The following PGM5 variants were observed in gnomAD, a reference collection of about 807,000 sequenced individuals.
PGM5 encodes phosphoglucomutase-like protein 5.
PGM5 carries 23 observed loss-of-function variants against 59.2 expected under a neutral mutation model. That is an observed-to-expected ratio of 0.39 (90% CI 0.28 to 0.55). PGM5 has a LOEUF of 0.55. Ranked by LOEUF, PGM5 falls within the 20% of genes least tolerant of loss-of-function variation. The pLI, the probability that PGM5 is intolerant of heterozygous loss-of-function variation, is 0.66. For synonymous variants in PGM5, 214 were observed against 286.0 expected, an observed-to-expected ratio of 0.75 and a Z score of 2.54; for missense variants, 574 against 748.3, an observed-to-expected ratio of 0.77 and a Z score of 2.72.
intron 6 of PGM5, among the ~76,000 whole-genome samples, chr9:68,439,639 C>T (rs1040296588): frequency 1.4e-5 from 2 of 147,896 alleles, no homozygotes; most frequent in Non-Finnish European, 1.5e-5. Flanking sequence ...AAATATTAGA[C>T]ATGAACATAT....
chr9:68,390,534 A>T (rs1264325314), intron 4 of PGM5, among the ~76,000 whole-genome samples: 2 of 152,112 alleles, frequency 1.3e-5, no homozygotes, highest in Admixed American at 1.3e-4. Context: ...GAGGAAGAGG[A>T]AATGTGTGCT....
At chr9:68,525,945 A>G (rs1044184925) in intron 10 of PGM5, among the ~76,000 whole-genome samples, 3 of 151,982 alleles carry the variant, frequency 2.0e-5, no homozygotes, top group African/African-American at 7.3e-5. Flanking sequence ...AGTCCCAGCT[A>G]CTCAGGAGGC....
At chr9:68,496,836 T>C (rs1168549886) in intron 9 of PGM5, 1 of 152,218 alleles carries the variant, frequency 6.6e-6, no homozygotes, top group Non-Finnish European at 1.5e-5. Flanking sequence ...TTCAAAGGGT[T>C]GAGTCTGGGG....
chr9:68,362,865 C>CTTTTTTTTT (rs1163826772), intron 1 of PGM5, among the ~76,000 whole-genome samples: 9 of 96,776 alleles, frequency 9.3e-5, no homozygotes, highest in Non-Finnish European at 1.2e-4. Flanking sequence ...TTTTCTTTTT[C>CTTTTTTTTT]TTTTTTTTTT....
At chr9:68,524,647 G>A (rs1039427384) in intron 10 of PGM5, among the ~76,000 whole-genome samples, 2 of 152,156 alleles carry the variant, frequency 1.3e-5, no homozygotes, top group Admixed American at 6.5e-5. Context: ...TTTTGGTCAG[G>A]GAGGAAGACT....
At chr9:68,409,546 T>TA (rs1484776398) in intron 6 of PGM5, among the ~76,000 whole-genome samples, 1 of 144,708 alleles carries the variant, frequency 6.9e-6, no homozygotes, top group Admixed American at 6.9e-5. Context: ...TATGCAGCCA[T>TA]AAAAAATGAT....
chr9:68,373,529 C>G lies in PGM5; in HGVS notation c.262-4670C>G, dbSNP rs1317964449. 3.9e-5 allele frequency among the ~76,000 whole-genome samples: 6 copies of G among 152,252 alleles called. No homozygotes were observed. In the South Asian group the frequency reaches 1.0e-3, roughly 26 times the overall value. On this transcript the variant is annotated intron_variant, in intron 1 of 10. Transcript: ENST00000396396. ...ATCTATAATTGTTCCTACTTAATAA[C>G]TTTACATGTTTATTTCTGCATTTTT...
At chr9:68,526,276 G>A (rs1824972619) in intron 10 of PGM5, among the ~76,000 whole-genome samples, 1 of 152,190 alleles carries the variant, frequency 6.6e-6, no homozygotes, top group East Asian at 1.9e-4. Flanking sequence ...TTTCCCGGAA[G>A]GCAGATGACT....
intron 6 of PGM5, among the ~76,000 whole-genome samples, chr9:68,416,678 C>G (rs1487736174): frequency 2.0e-5 from 3 of 152,200 alleles, no homozygotes; most frequent in Non-Finnish European, 2.9e-5. Context: ...ATTTGTGCCT[C>G]ACTTATAAAA....
At chr9:68,457,099 T>G (rs1271007067) in intron 6 of PGM5, among the ~76,000 whole-genome samples, 2 of 152,238 alleles carry the variant, frequency 1.3e-5, no homozygotes, top group Non-Finnish European at 2.9e-5. Context: ...CTTCTTCATT[T>G]AGATTAGCCA....
intron 6 of PGM5, chr9:68,464,635 G>A (rs1262974769): frequency 6.5e-6 from 1 of 153,250 alleles, no homozygotes; most frequent in Non-Finnish European, 1.5e-5. Context: ...TCTAAAGTGT[G>A]TGTGTGTGTG....
intron 6 of PGM5, among the ~76,000 whole-genome samples, chr9:68,438,286 C>CAAA (rs34047393): frequency 1.7e-4 from 6 of 34,822 alleles, no homozygotes; most frequent in Non-Finnish European, 2.4e-4. Context: ...GAGACTCTGT[C>CAAA]AAAAAAAAAA....
At chr9:68,423,359 C>G (rs1337554955) in intron 6 of PGM5, among the ~76,000 whole-genome samples, 1 of 152,158 alleles carries the variant, frequency 6.6e-6, no homozygotes, top group African/African-American at 2.4e-5. Context: ...GAAGTGTTCC[C>G]TGTTCACCGC....
Position 68,374,902 on chromosome 9 carries a change from A to G in PGM5, c.262-3297A>G, listed in dbSNP as rs181468606. Among the ~76,000 whole-genome samples the G allele has an allele frequency of 4.5e-3, 682 of 152,332 alleles. 2 individuals carry two copies. Among genetic ancestry groups the G allele is most frequent in the Non-Finnish European group, 6.0e-3 (405 of 68,038 alleles). ...TAGATGGTAATATGTGTGAGCACAT[A>G]TATTTATTATTTCTCATCATTTCTA... On this transcript the variant is annotated intron_variant, in intron 1 of 10. Coordinates refer to ENST00000396396, the MANE Select transcript of PGM5 (RefSeq NM_021965.4).
At chr9:68,527,953 A>T (rs1825015222) in intron 10 of PGM5, among the ~76,000 whole-genome samples, 2 of 152,144 alleles carry the variant, frequency 1.3e-5, no homozygotes. Flanking sequence ...ATCTCTCAGG[A>T]TTCTTCTGTA....
chr9:68,417,434 G>A (rs1477455064), intron 6 of PGM5, among the ~76,000 whole-genome samples: 1 of 152,054 alleles, frequency 6.6e-6, no homozygotes, highest in Non-Finnish European at 1.5e-5. Context: ...GGGGACGTGT[G>A]AAATGCTTGT....
chr9:68,390,631 A>G (rs1822339920), intron 4 of PGM5, among the ~76,000 whole-genome samples: 1 of 152,162 alleles, frequency 6.6e-6, no homozygotes, highest in African/African-American at 2.4e-5. Context: ...TCTTTCAGAT[A>G]TTTCAGCTAG....
chr9:68,357,096 G>C lies in PGM5; in HGVS notation c.-32G>C. 6.9e-7 allele frequency: 1 copy of C among 1,445,922 alleles called. No homozygotes were observed. The allele number at this position is 1,445,922 out of a possible 1,614,324, so 89.6% of individuals were successfully genotyped here. A position where few individuals can be genotyped will look rare whatever the true frequency, so the allele number is the denominator to read the frequency against. On this transcript the variant is annotated 5_prime_UTR_variant, in exon 1 of 11. Coordinates refer to ENST00000396396, the MANE Select transcript of PGM5 (RefSeq NM_021965.4). ...CAGGCTGCAGATTCCCTCCGGCTCC[G>C]GGAGCCGCAGCAGGACCGGCCAGGA...
At chr9:68,407,367 A>G (rs1822841762) in intron 6 of PGM5, among the ~76,000 whole-genome samples, 1 of 152,308 alleles carries the variant, frequency 6.6e-6, no homozygotes, top group East Asian at 1.9e-4. Context: ...TCCTGGACTC[A>G]AGCAATCCTC....
Sources: allele counts gnomAD v4.1 joint callset (sites outside exome capture counted in the v4.1 genomes callset), GRCh38; gene constraint gnomAD v4.1.1; transcripts MANE v1.5; gene names NCBI Gene and HGNC (gene_info 2026-07-23, HGNC 2026-07-21).